The following CACNA2D1 variants were observed in gnomAD, a reference collection of about 807,000 sequenced individuals.
CACNA2D1 encodes calcium voltage-gated channel auxiliary subunit alpha2delta 1.
In CACNA2D1, 53 loss-of-function variants were observed where a neutral mutation model predicts 171.5. That is an observed-to-expected ratio of 0.31 (90% CI 0.25 to 0.39). The LOEUF (loss-of-function observed/expected upper bound fraction) is 0.39, where lower values mean the gene tolerates loss of function less well. Ranked by LOEUF, CACNA2D1 falls within the 10% of genes least tolerant of loss-of-function variation. CACNA2D1 has a pLI of 1.00. For synonymous variants in CACNA2D1, 442 were observed against 443.1 expected (o/e 1.00, Z 0.03); for missense variants, 903 against 1,299.8 (o/e 0.69, Z 4.69).
intron 1 of CACNA2D1, among the ~76,000 whole-genome samples, chr7:82,428,158 T>C (rs780326702): frequency 6.6e-6 from 1 of 151,830 alleles, no homozygotes; most frequent in Non-Finnish European, 1.5e-5. Flanking sequence ...CCATATATGA[T>C]CACTTTTTAG....
In CACNA2D1 at chr7:82,400,117, G is replaced by C. The variant is rs561111492; in HGVS notation, c.95+43248C>G. ...TTGGTTACTGTAGCCTTGTAGTATA[G>C]TTTGAAGTCAGGTAGTGTGATGCCT... On this transcript the variant is annotated intron_variant, in intron 1 of 38. Transcript: ENST00000356860. Among the ~76,000 whole-genome samples, 11 of 150,818 alleles carry C rather than the reference G, an allele frequency of 7.3e-5. No homozygotes were observed. The South Asian group carries it at 2.1e-3, about 29-fold the overall frequency.
intron 3 of CACNA2D1, among the ~76,000 whole-genome samples, chr7:82,303,124 G>T (rs1290513602): frequency 6.6e-5 from 10 of 152,112 alleles, no homozygotes; most frequent in Non-Finnish European, 1.3e-4. Context: ...CTCCTGAGTA[G>T]CTGGGACTAC....
At chr7:82,085,404 T>C (rs1207739550) in intron 6 of CACNA2D1, among the ~76,000 whole-genome samples, 2 of 151,938 alleles carry the variant, frequency 1.3e-5, no homozygotes, top group African/African-American at 4.8e-5. Context: ...TTCCTTTTTA[T>C]CCTCAGAGGT....
intron 1 of CACNA2D1, among the ~76,000 whole-genome samples, chr7:82,359,233 T>C (rs1820809210): frequency 6.6e-6 from 1 of 152,178 alleles, no homozygotes; most frequent in African/African-American, 2.4e-5. Context: ...CCCTTTATGG[T>C]TTATCTGTGA....
At chr7:81,968,771 T>G (rs2130395028) in intron 29 of CACNA2D1, 116 bp downstream of exon 29, 1 of 709,350 alleles carries the variant, frequency 1.4e-6, no homozygotes, top group East Asian at 2.6e-5. Context: ...TGTGCATGCC[T>G]TTATTTTGTT....
At chr7:82,028,633 G>C (rs1293568587) in intron 12 of CACNA2D1, 2 of 151,768 alleles carry the variant, frequency 1.3e-5, no homozygotes, top group African/African-American at 4.8e-5. Flanking sequence ...CATGGGAAAA[G>C]ACAAAAATAT....
At chr7:82,072,500 G>T (rs972759888) in intron 7 of CACNA2D1, among the ~76,000 whole-genome samples, 1 of 151,646 alleles carries the variant, frequency 6.6e-6, no homozygotes, top group African/African-American at 2.4e-5. Flanking sequence ...ATGGTCCCAA[G>T]TAATCAGTTA....
At chr7:82,379,254 TACTG>T (rs1823404914) in intron 1 of CACNA2D1, among the ~76,000 whole-genome samples, 1 of 152,118 alleles carries the variant, frequency 6.6e-6, no homozygotes, top group South Asian at 2.1e-4. Flanking sequence ...ACTCCATATC[TACTG>T]ACTGACGAAT....
intron 21 of CACNA2D1, among the ~76,000 whole-genome samples, chr7:81,985,660 C>A (rs1468319787): frequency 1.3e-5 from 2 of 151,998 alleles, no homozygotes; most frequent in Non-Finnish European, 2.9e-5. Context: ...TAGTTTATAC[C>A]CAATAGTAAA....
chr7:82,338,305 G>A (rs186585964), intron 2 of CACNA2D1, among the ~76,000 whole-genome samples: 35 of 151,996 alleles, frequency 2.3e-4, no homozygotes, highest in African/African-American at 8.2e-4. Context: ...AACTTTTAGA[G>A]GACGTAAAAA....
chr7:82,072,787 C>CT (rs35209469), intron 7 of CACNA2D1, among the ~76,000 whole-genome samples: 11 of 151,814 alleles, frequency 7.2e-5, no homozygotes, highest in Admixed American at 2.6e-4. Flanking sequence ...GATAAATTAA[C>CT]TTTTTTTTCA....
intron 6 of CACNA2D1, among the ~76,000 whole-genome samples, chr7:82,097,844 T>A (rs1812085543): frequency 6.6e-6 from 1 of 152,130 alleles, no homozygotes; most frequent in South Asian, 2.1e-4. Context: ...ACAGGTCCAG[T>A]AGCTCACGCC....
In CACNA2D1 at chr7:82,117,133, T is replaced by A. The variant is rs753470759; in HGVS notation, c.437A>T (p.Lys146Ile). Residue 146 changes from lysine to isoleucine, a missense_variant, in exon 6 of 39, where the codon AAA becomes ATA. Around this residue, in one of 5 missense-constraint regions of CACNA2D1, gnomAD observed 189 missense variants for 266.8 expected, o/e 0.71. Transcript: ENST00000356860. The part of the protein sequence containing the change: ...NDSEPGSQRI[K>I]PVFIEDANFG... ...ATTAGCATCTTCAATGAAAACAGGT[T>A]TTATCCTCTGGCTGCCTGGCTCACT... 26 of 1,613,890 alleles carry A rather than the reference T, an allele frequency of 1.6e-5. No individual in the cohort carries two copies. Among genetic ancestry groups the A allele is most frequent in the Non-Finnish European group, 2.2e-5 (26 of 1,179,882 alleles).
At chr7:82,106,652 A>G (rs906400646) in intron 6 of CACNA2D1, among the ~76,000 whole-genome samples, 1 of 152,190 alleles carries the variant, frequency 6.6e-6, no homozygotes, top group East Asian at 1.9e-4. Context: ...AAAAATCACA[A>G]TATTTTCTTT....
chr7:82,002,187 T>C (rs933469032), intron 18 of CACNA2D1, among the ~76,000 whole-genome samples: 3 of 152,054 alleles, frequency 2.0e-5, no homozygotes, highest in African/African-American at 7.2e-5. Context: ...GGTGATTAGG[T>C]CTTGGTTGGT....
chr7:82,133,259 T>G (rs999473977), intron 5 of CACNA2D1, among the ~76,000 whole-genome samples: 2 of 152,204 alleles, frequency 1.3e-5, no homozygotes, highest in African/African-American at 2.4e-5. Flanking sequence ...AAATCCATAT[T>G]AATATACAGA....
chr7:81,957,627 A>G (rs1256856123), intron 38 of CACNA2D1, among the ~76,000 whole-genome samples: 1 of 152,086 alleles, frequency 6.6e-6, no homozygotes, highest in Non-Finnish European at 1.5e-5. Flanking sequence ...ATTTCATGCA[A>G]TTTGCTGGCA....
In CACNA2D1 at chr7:82,075,362, T is replaced by A. The variant is rs187915132; in HGVS notation, c.659-8838A>T. Among the ~76,000 whole-genome samples the A allele has an allele frequency of 2.2e-4, 33 of 152,200 alleles. No homozygotes were observed. The East Asian group carries it at 4.6e-3, about 21-fold the overall frequency. ...AACAGGGAAAAGTCGGGTAGTTAAA[T>A]GAAATACTCAATAAAGTAAATGGTA... On this transcript the variant is annotated intron_variant, in intron 7 of 38. Transcript: ENST00000356860.
At chr7:82,082,209 G>A (rs6957415) in intron 7 of CACNA2D1, among the ~76,000 whole-genome samples, 25,200 of 152,044 alleles carry the variant, frequency 0.17, 2,211 homozygotes, top group South Asian at 0.2. Flanking sequence ...CTCCACCAGC[G>A]GAGGGCAGAG....
Sources: gnomAD v4.1 joint callset for allele counts (sites outside exome capture counted in the v4.1 genomes callset) on GRCh38, gnomAD v4.1.1 for gene constraint, gnomAD v4.1.1 regional missense constraint, MANE v1.5 for transcripts, NCBI Gene and HGNC (gene_info 2026-07-23, HGNC 2026-07-21) for gene names.